Variants in LRRC4C observed in about 807,000 individuals in gnomAD.
LRRC4C encodes leucine rich repeat containing 4C, also known as leucine-rich repeat-containing protein 4C.
Under a neutral mutation model 33.6 loss-of-function variants are expected in LRRC4C, and 5 were observed. The observed-to-expected ratio is 0.15, with a 90% CI of 0.08 to 0.31. The LOEUF (loss-of-function observed/expected upper bound fraction) is 0.31. Among genes scored for constraint, LRRC4C ranks in the 10% least tolerant of loss-of-function variants. LRRC4C has a pLI of 1.00. For synonymous variants in LRRC4C, 329 were observed against 302.0 expected (o/e 1.09, Z -0.93); for missense variants, 560 against 796.7 (o/e 0.70, Z 3.58).
chr11:40,223,072 G>T (rs754551165), intron 5 of LRRC4C, among the ~76,000 whole-genome samples: 4 of 142,058 alleles, frequency 2.8e-5, no homozygotes, highest in African/African-American at 1.0e-4. Context: ...AATAAAAAAG[G>T]TTAGAAATAT....
chr11:40,841,368 C>T (rs1206548847), intron 2 of LRRC4C, among the ~76,000 whole-genome samples: 1 of 152,152 alleles, frequency 6.6e-6, no homozygotes. Context: ...CTTCTCTCCC[C>T]ATACCAATTC....
At chr11:40,781,197 C>T (rs868486728) in intron 2 of LRRC4C, among the ~76,000 whole-genome samples, 8 of 152,036 alleles carry the variant, frequency 5.3e-5, no homozygotes, top group African/African-American at 1.4e-4. Context: ...TGTATCTAAA[C>T]ATAGAAAAGG....
At chr11:41,116,744 A>G (rs1942151536) in intron 1 of LRRC4C, among the ~76,000 whole-genome samples, 1 of 152,136 alleles carries the variant, frequency 6.6e-6, no homozygotes, top group African/African-American at 2.4e-5. Context: ...ATCATTTACT[A>G]ACTCTACCCC....
intron 1 of LRRC4C, among the ~76,000 whole-genome samples, chr11:41,281,055 TCTCTCTCTCTCTCTCTCTCTGTC>T (rs1461861059): frequency 1.5e-5 from 2 of 132,492 alleles, no homozygotes; most frequent in African/African-American, 2.9e-5. Context: ...TCTCTCTCTC[TCTCTCTCTCTCTCTCTCTCTGTC>T]CTCTCTCTCT....
intron 5 of LRRC4C, among the ~76,000 whole-genome samples, chr11:40,218,732 TATCTATCTATCCATCC>T (rs1864183185): frequency 6.7e-6 from 1 of 150,362 alleles, no homozygotes; most frequent in African/African-American, 2.5e-5. Context: ...TCTATCTATC[TATCTATCTATCCATCC>T]ATCCATCTAT....
In LRRC4C at chr11:40,512,966, A is replaced by C. The variant is rs1045897389; in HGVS notation, c.-270+135176T>G. On this transcript the variant is annotated intron_variant, in intron 3 of 6. Transcript: ENST00000528697. ...TTTATTTTTGAAAATCTACTGTAAC[A>C]AGGCTGGGCGCGGTGGCTCATGCCT... 3.9e-5 allele frequency among the ~76,000 whole-genome samples: 6 copies of C among 152,080 alleles called. No homozygotes were observed. In the South Asian group the frequency reaches 6.2e-4, roughly 16 times the overall value.
chr11:41,276,975 A>AT (rs1170925576), intron 1 of LRRC4C, among the ~76,000 whole-genome samples: 2 of 152,168 alleles, frequency 1.3e-5, no homozygotes, highest in Admixed American at 6.6e-5. Context: ...GTAAGATAGT[A>AT]TTTTTTTAAG....
intron 1 of LRRC4C, among the ~76,000 whole-genome samples, chr11:41,147,358 A>G (rs1943773702): frequency 6.6e-6 from 1 of 152,210 alleles, no homozygotes; most frequent in African/African-American, 2.4e-5. Context: ...GTGAGGAAGT[A>G]ACCTGTACAC....
intron 1 of LRRC4C, among the ~76,000 whole-genome samples, chr11:41,289,927 A>G (rs951637796): frequency 1.3e-5 from 2 of 152,240 alleles, no homozygotes; most frequent in Non-Finnish European, 2.9e-5. Context: ...CTGCCTTTAC[A>G]TAATCACATA....
At chr11:40,854,754 T>A (rs954769445) in intron 2 of LRRC4C, among the ~76,000 whole-genome samples, 2 of 151,054 alleles carry the variant, frequency 1.3e-5, no homozygotes, top group Non-Finnish European at 3.0e-5. Context: ...AGTACATTAA[T>A]GTATATATTT....
intron 1 of LRRC4C, among the ~76,000 whole-genome samples, chr11:41,348,439 TA>T (rs1245352925): frequency 6.6e-6 from 1 of 152,042 alleles, no homozygotes; most frequent in African/African-American, 2.4e-5. Context: ...ACCAGAGATT[TA>T]ATATAATCCT....
chr11:40,490,522 A>T (rs1954094176), intron 3 of LRRC4C, among the ~76,000 whole-genome samples: 2 of 152,016 alleles, frequency 1.3e-5, no homozygotes, highest in East Asian at 1.9e-4. Context: ...AGAGACTTTT[A>T]AGGGAAAAAA....
chr11:41,277,244 T>C (rs768240456), intron 1 of LRRC4C, among the ~76,000 whole-genome samples: 13 of 152,212 alleles, frequency 8.5e-5, no homozygotes, highest in Non-Finnish European at 1.5e-4. Flanking sequence ...TAACAAAGCA[T>C]GTAAAAAACC....
chr11:40,190,121 A>G (rs1250392889), intron 5 of LRRC4C, among the ~76,000 whole-genome samples: 1 of 152,190 alleles, frequency 6.6e-6, no homozygotes, highest in Non-Finnish European at 1.5e-5. Context: ...ATAAAACCCC[A>G]TGAGGATGGC....
At chr11:41,089,382 A>G (rs552803942) in intron 1 of LRRC4C, among the ~76,000 whole-genome samples, 1 of 152,148 alleles carries the variant, frequency 6.6e-6, no homozygotes, top group East Asian at 1.9e-4. Context: ...GGCACCAATG[A>G]TGCTTTTAGA....
chr11:40,586,344 G>A (rs1958742291), intron 3 of LRRC4C, among the ~76,000 whole-genome samples: 2 of 148,590 alleles, frequency 1.3e-5, no homozygotes, highest in South Asian at 4.3e-4. Context: ...TTGTAAATTT[G>A]TTTGAGTTCA....
chr11:41,208,262 G>C (rs959056080), intron 1 of LRRC4C, among the ~76,000 whole-genome samples: 1 of 152,142 alleles, frequency 6.6e-6, no homozygotes, highest in African/African-American at 2.4e-5. Context: ...TGATAAAATT[G>C]GTTATTTAGT....
chr11:40,493,797 G>A (rs941311258), intron 3 of LRRC4C, among the ~76,000 whole-genome samples: 3 of 152,068 alleles, frequency 2.0e-5, no homozygotes, highest in South Asian at 2.1e-4. Context: ...GGTGGAACGC[G>A]AATTACCAGT....
chr11:41,159,251 A>AC (rs1286287690), intron 1 of LRRC4C, among the ~76,000 whole-genome samples: 3 of 152,240 alleles, frequency 2.0e-5, no homozygotes, highest in African/African-American at 7.2e-5. Flanking sequence ...TGATCATGCC[A>AC]CTGTACTCCA....
Sources: gnomAD v4.1 joint callset for allele counts (sites outside exome capture counted in the v4.1 genomes callset) on GRCh38, gnomAD v4.1.1 for gene constraint, MANE v1.5 for transcripts, NCBI Gene and HGNC (gene_info 2026-07-23, HGNC 2026-07-21) for gene names.